The following DNAH14 variants were observed in gnomAD, a reference collection of about 807,000 sequenced individuals.
DNAH14 encodes dynein axonemal heavy chain 14, also known as axonemal beta dynein heavy chain 14.
DNAH14 carries 478 observed loss-of-function variants against 520.9 expected under a neutral mutation model. That is an observed-to-expected ratio of 0.92 (90% confidence interval 0.85 to 0.99). The LOEUF is 0.99. Ranked by LOEUF, DNAH14 falls within the 50% of genes least tolerant of loss-of-function variation. The pLI is 0.00. For synonymous variants in DNAH14, 1,581 were observed against 1,757.2 expected, an observed-to-expected ratio of 0.90 and a Z score of 2.51; for missense variants, 4,831 against 5,234.5, an observed-to-expected ratio of 0.92 and a Z score of 2.38.
intron 41 of DNAH14, among the ~76,000 whole-genome samples, chr1:225,216,061 T>A (rs151247778): frequency 7.4e-4 from 113 of 152,340 alleles, no homozygotes; most frequent in African/African-American, 2.2e-3. Context: ...GTTTAGTGCT[T>A]CCTTCAGGAG....
intron 59 of DNAH14, 51 bp downstream of exon 59, chr1:225,307,620 C>A: frequency 1.4e-6 from 2 of 1,391,466 alleles, no homozygotes; most frequent in Non-Finnish European, 1.9e-6. Flanking sequence ...TAATATAGAA[C>A]AGTGTTTGAA....
At chr1:225,318,732 C>A (rs2094509263) in intron 61 of DNAH14, 55 bp downstream of exon 61, 1 of 1,451,054 alleles carries the variant, frequency 6.9e-7, no homozygotes, top group South Asian at 1.3e-5. Context: ...AACATAAATT[C>A]ATGTTTACTA....
intron 54 of DNAH14, among the ~76,000 whole-genome samples, chr1:225,283,544 G>A (rs575997520): frequency 4.0e-5 from 6 of 151,682 alleles, no homozygotes; most frequent in Middle Eastern, 6.9e-3. Flanking sequence ...AACCAAAACC[G>A]ACAGAATTTA....
At chr1:225,151,071 C>T (rs2149086957) in intron 31 of DNAH14, among the ~76,000 whole-genome samples, 1 of 152,248 alleles carries the variant, frequency 6.6e-6, no homozygotes, top group South Asian at 2.1e-4. Flanking sequence ...TGTCTTATTA[C>T]TCTGAATTAA....
In DNAH14 at chr1:225,159,179, G is replaced by T. The variant is rs1573585708; in HGVS notation, c.5274-135G>T. Reference sequence around the variant, plus strand: ...TGATTAATTCCACCCAAACCATATGGCTGCTATCCAGTGAGAGAGAGGAGG... The same window carrying T: ...TGATTAATTCCACCCAAACCATATGTCTGCTATCCAGTGAGAGAGAGGAGG... On this transcript the variant is annotated intron_variant, in intron 34 of 85. Transcript: ENST00000682510. 16 of 675,210 alleles carry T rather than the reference G, an allele frequency of 2.4e-5. 1 individual carries two copies. In the East Asian group the frequency reaches 4.6e-4, roughly 20 times the overall value. 41.8% of individuals were successfully genotyped at this position (675,210 alleles called of 1,614,324 possible). A position where few individuals can be genotyped will look rare whatever the true frequency, so the allele number is the denominator to read the frequency against.
intron 49 of DNAH14, among the ~76,000 whole-genome samples, chr1:225,268,488 G>C (rs959245746): frequency 1.3e-5 from 2 of 152,206 alleles, no homozygotes; most frequent in African/African-American, 4.8e-5. Context: ...GGGCAATCAG[G>C]CAAGAGAAGT....
rs1164684089 is a variant in DNAH14, at chr1:225,266,721, A to G, written c.7491A>G (p.Gln2497=). 29 of 1,528,612 alleles carry G rather than the reference A, an allele frequency of 1.9e-5. No individual in the cohort carries two copies. Among genetic ancestry groups the G allele is most frequent in the South Asian group, 1.3e-4 (10 of 78,910 alleles). 94.7% of individuals were successfully genotyped at this position (1,528,612 alleles called of 1,614,324 possible). A position where few individuals can be genotyped will look rare whatever the true frequency, so the allele number is the denominator to read the frequency against. ...AGCCACCCCTGGAATTGATAAGACA[A>G]TTGTTAGATTTGGGAGGAGTTTATG... The part of the protein sequence containing the change: ...GAQPPLELIR[Q]LLDLGGVYDT... Residue 2497 remains glutamine (Q), a synonymous_variant, in exon 49 of 86, where the codon CAA becomes CAG. Transcript: ENST00000682510.
intron 1 of DNAH14, 112 bp downstream of exon 1, chr1:224,929,947 G>A: frequency 1.8e-6 from 1 of 543,260 alleles, no homozygotes; most frequent in East Asian, 3.3e-5. Context: ...GAGGGCCTGG[G>A]CGCTCCCCAC....
intron 8 of DNAH14, among the ~76,000 whole-genome samples, chr1:224,981,832 G>A (rs766308370): frequency 8.5e-5 from 13 of 152,178 alleles, no homozygotes; most frequent in Non-Finnish European, 1.8e-4. Context: ...TTCTGCTGGT[G>A]TTGGGATTCA....
At chr1:225,325,393 G>C (rs932732733) in intron 64 of DNAH14, among the ~76,000 whole-genome samples, 5 of 151,436 alleles carry the variant, frequency 3.3e-5, no homozygotes, top group African/African-American at 1.2e-4. Context: ...GCTGAGGCAG[G>C]AGAATCTCTT....
At chr1:225,123,730 T>G (rs536505455) in intron 27 of DNAH14, 116 bp downstream of exon 27, 10 of 199,128 alleles carry the variant, frequency 5.0e-5, no homozygotes, top group African/African-American at 2.4e-4. Flanking sequence ...ACATGATTTT[T>G]TTTCCCCTAG....
At chr1:224,972,589 C>T (rs1417038694) in intron 7 of DNAH14, among the ~76,000 whole-genome samples, 1 of 152,032 alleles carries the variant, frequency 6.6e-6, no homozygotes, top group Non-Finnish European at 1.5e-5. Flanking sequence ...CCTCAGCCTC[C>T]CGAGAAGCTG....
At chr1:225,070,873 G>T (rs1295357382) in intron 17 of DNAH14, among the ~76,000 whole-genome samples, 1 of 152,084 alleles carries the variant, frequency 6.6e-6, no homozygotes, top group Non-Finnish European at 1.5e-5. Context: ...CCAGTCTTGG[G>T]TGCACATATA....
chr1:225,139,169 G>C (rs1447050121), intron 27 of DNAH14, among the ~76,000 whole-genome samples: 3 of 152,078 alleles, frequency 2.0e-5, no homozygotes, highest in Non-Finnish European at 4.4e-5. Flanking sequence ...AATATCCACA[G>C]ATCTTAAGCT....
intron 68 of DNAH14, among the ~76,000 whole-genome samples, chr1:225,340,029 A>G (rs2095146141): frequency 1.3e-5 from 2 of 149,256 alleles, no homozygotes; most frequent in Admixed American, 1.4e-4. Context: ...CAATTAATCC[A>G]TGTAGCTTTA....
At chr1:225,085,449 T>C in intron 20 of DNAH14, 95 bp from the exon 21 acceptor site, 1 of 1,117,802 alleles carries the variant, frequency 8.9e-7, no homozygotes, top group Non-Finnish European at 1.3e-6. Context: ...ATATTTTTGA[T>C]GTGCCTTTCA....
At chr1:224,953,318 G>A (rs888685319) in intron 2 of DNAH14, among the ~76,000 whole-genome samples, 2 of 151,864 alleles carry the variant, frequency 1.3e-5, no homozygotes, top group Non-Finnish European at 2.9e-5. Flanking sequence ...TAGAGATGGG[G>A]TTTCACCATT....
At chr1:225,131,712 A>G (rs903251082) in intron 27 of DNAH14, among the ~76,000 whole-genome samples, 1 of 152,202 alleles carries the variant, frequency 6.6e-6, no homozygotes, top group African/African-American at 2.4e-5. Context: ...CTACATGCAT[A>G]TTTGCTAGAG....
At chr1:225,096,111 C>T (rs2074942456) in intron 21 of DNAH14, among the ~76,000 whole-genome samples, 1 of 151,426 alleles carries the variant, frequency 6.6e-6, no homozygotes, top group Non-Finnish European at 1.5e-5. Flanking sequence ...GGATTACCGG[C>T]ACCGCCACCA....
Sources: gnomAD v4.1 joint callset for allele counts (sites outside exome capture counted in the v4.1 genomes callset) on GRCh38, gnomAD v4.1.1 for gene constraint, MANE v1.5 for transcripts, NCBI Gene and HGNC (gene_info 2026-07-23, HGNC 2026-07-21) for gene names.